The following CCDC6 variants were observed in gnomAD, a reference collection of about 807,000 sequenced individuals.
CCDC6 encodes the protein coiled-coil domain containing 6.
In CCDC6, 20 loss-of-function variants were observed where a neutral mutation model predicts 56.6. The observed-to-expected ratio is 0.35, with a 90% CI of 0.25 to 0.51. The LOEUF (loss-of-function observed/expected upper bound fraction) is 0.51. CCDC6 is among the 20% of genes least tolerant of loss of function. The pLI is 0.95. For missense variants in CCDC6, 367 were observed against 601.1 expected, an observed-to-expected ratio of 0.61 and a Z score of 4.07; for synonymous variants, 241 against 234.4, an observed-to-expected ratio of 1.03 and a Z score of -0.26.
At chr10:59,869,417 A>AAAAAAAAG (rs2071207702) in intron 1 of CCDC6, among the ~76,000 whole-genome samples, 1 of 69,182 alleles carries the variant, frequency 1.4e-5, no homozygotes, top group Non-Finnish European at 2.7e-5. Context: ...AAAAAAAAAA[A>AAAAAAAAG]AACAGAAAAA....
At position 59,792,030 on chromosome 10, in the gene CCDC6, G is replaced by A; in HGVS notation, c.*887C>T. ...AATATTTGTTCAAACTCTATTTTAAGAGAACACAAATGAAGTACGAAAGGG... is the reference window on the plus strand; with the variant it reads ...AATATTTGTTCAAACTCTATTTTAAAAGAACACAAATGAAGTACGAAAGGG... On this transcript the variant is annotated 3_prime_UTR_variant, in exon 9 of 9. Coordinates refer to ENST00000263102, the MANE Select transcript of CCDC6 (RefSeq NM_005436.5). The A allele has an allele frequency of 4.4e-6, 1 of 224,786 alleles. No homozygotes were observed. The highest frequency in any genetic ancestry group is 8.9e-6 in the Non-Finnish European group (1 of 112,552). 13.9% of individuals were successfully genotyped at this position (224,786 alleles called of 1,614,324 possible).
chr10:59,881,227 CCT>C (rs1564755531), intron 1 of CCDC6, among the ~76,000 whole-genome samples: 1 of 152,098 alleles, frequency 6.6e-6, no homozygotes, highest in Non-Finnish European at 1.5e-5. Context: ...TTCCTGGGCC[CCT>C]GATACTGACA....
At chr10:59,882,623 G>T (rs1018702621) in intron 1 of CCDC6, among the ~76,000 whole-genome samples, 1 of 152,108 alleles carries the variant, frequency 6.6e-6, no homozygotes, top group Non-Finnish European at 1.5e-5. Flanking sequence ...GCGGGAGAAG[G>T]AAAGCCAGGG....
chr10:59,862,584 CAT>C lies in CCDC6; in HGVS notation c.304-9884_304-9883del, dbSNP rs1370945784. ...ATATATACACATACACACACACACA[CAT>C]ATATAAAACCTCTGATGGGAAAATG... On this transcript the variant is annotated intron_variant, in intron 1 of 8. Transcript: ENST00000263102. Among the ~76,000 whole-genome samples, 348 of 145,866 alleles carry C rather than the reference CAT, an allele frequency of 2.4e-3. 12 individuals are homozygous for C. Among genetic ancestry groups the C allele is most frequent in the African/African-American group, 6.7e-3 (252 of 37,768 alleles).
At chr10:59,901,828 C>T (rs1220451310) in intron 1 of CCDC6, among the ~76,000 whole-genome samples, 1 of 152,154 alleles carries the variant, frequency 6.6e-6, no homozygotes, top group Non-Finnish European at 1.5e-5. Flanking sequence ...ACCCTCACTA[C>T]ACTGAATCAT....
At position 59,799,784 on chromosome 10, in the gene CCDC6, T is replaced by C. The variant is rs1307469197; in HGVS notation, c.1105+4636A>G. 2.1e-5 allele frequency among the ~76,000 whole-genome samples: 3 copies of C among 146,014 alleles called. No homozygotes were observed. In the East Asian group the frequency reaches 6.3e-4, roughly 31 times the overall value. Reference sequence around the variant, plus strand: ...TCTAGAGTCAGACTATGTTGGATCCTAGCTCTGACACTTGGCACTAAGTAG... The same window carrying C: ...TCTAGAGTCAGACTATGTTGGATCCCAGCTCTGACACTTGGCACTAAGTAG... On this transcript the variant is annotated intron_variant, in intron 7 of 8. Coordinates refer to ENST00000263102, the MANE Select transcript of CCDC6 (RefSeq NM_005436.5).
chr10:59,880,276 T>G (rs550544909), intron 1 of CCDC6, among the ~76,000 whole-genome samples: 1 of 151,756 alleles, frequency 6.6e-6, no homozygotes, highest in South Asian at 2.1e-4. Flanking sequence ...AACTGTACAC[T>G]CAGGGGACTT....
intron 3 of CCDC6, among the ~76,000 whole-genome samples, chr10:59,830,845 G>C (rs965123851): frequency 1.3e-5 from 2 of 152,112 alleles, no homozygotes; most frequent in African/African-American, 2.4e-5. Context: ...TCTGGGTCAC[G>C]GTCCTAGTTT....
chr10:59,868,589 G>A (rs2071198138), intron 1 of CCDC6, among the ~76,000 whole-genome samples: 1 of 151,858 alleles, frequency 6.6e-6, no homozygotes, highest in African/African-American at 2.4e-5. Context: ...CCCTACTGAG[G>A]TTGATAGGGG....
chr10:59,843,735 A>C (rs1333004892), intron 2 of CCDC6, among the ~76,000 whole-genome samples: 1 of 152,192 alleles, frequency 6.6e-6, no homozygotes, highest in African/African-American at 2.4e-5. Context: ...TCCTTTGGCT[A>C]AGCACCATAA....
intron 1 of CCDC6, among the ~76,000 whole-genome samples, chr10:59,881,813 G>A (rs2071337421): frequency 6.6e-6 from 1 of 152,210 alleles, no homozygotes; most frequent in Admixed American, 6.5e-5. Flanking sequence ...CCATGAAGGG[G>A]ACAATGTGTG....
chr10:59,871,917 G>A (rs1243512986), intron 1 of CCDC6, among the ~76,000 whole-genome samples: 1 of 152,092 alleles, frequency 6.6e-6, no homozygotes, highest in Non-Finnish European at 1.5e-5. Flanking sequence ...AAAGTAAAAG[G>A]CTCCTCAAAC....
At chr10:59,854,380 C>T (rs2071063390) in intron 1 of CCDC6, among the ~76,000 whole-genome samples, 3 of 152,152 alleles carry the variant, frequency 2.0e-5, no homozygotes, top group Admixed American at 1.3e-4. Context: ...GAGAGCCACA[C>T]ATAGTACACA....
chr10:59,856,098 G>C (rs1384805972), intron 1 of CCDC6, among the ~76,000 whole-genome samples: 2 of 152,156 alleles, frequency 1.3e-5, no homozygotes, highest in Admixed American at 1.3e-4. Context: ...GGGTTAACAT[G>C]GCCTAACACA....
At chr10:59,801,676 C>T (rs2070577307) in intron 7 of CCDC6, among the ~76,000 whole-genome samples, 1 of 152,116 alleles carries the variant, frequency 6.6e-6, no homozygotes. Context: ...GGATCTGTGT[C>T]TTCTCCCTTG....
At chr10:59,823,436 C>T (rs2070762782) in intron 3 of CCDC6, among the ~76,000 whole-genome samples, 2 of 152,210 alleles carry the variant, frequency 1.3e-5, no homozygotes, top group Admixed American at 1.3e-4. Context: ...AGCACTTGTT[C>T]ACTCCAGTTC....
chr10:59,865,363 G>C (rs2071167901), intron 1 of CCDC6, among the ~76,000 whole-genome samples: 1 of 152,174 alleles, frequency 6.6e-6, no homozygotes, highest in South Asian at 2.1e-4. Flanking sequence ...ACAGAAAGTA[G>C]GGCCAATTAC....
chr10:59,857,882 T>G (rs2071093271), intron 1 of CCDC6, among the ~76,000 whole-genome samples: 1 of 152,150 alleles, frequency 6.6e-6, no homozygotes, highest in Non-Finnish European at 1.5e-5. Context: ...ACCACATTAT[T>G]AGGATAGCAG....
intron 1 of CCDC6, among the ~76,000 whole-genome samples, chr10:59,888,287 A>G (rs989706671): frequency 3.3e-5 from 5 of 152,364 alleles, no homozygotes; most frequent in Admixed American, 6.5e-5. Flanking sequence ...CTCAGCTAGA[A>G]GCTTCCAGGG....
Sources: gnomAD v4.1 joint callset for allele counts (sites outside exome capture counted in the v4.1 genomes callset) on GRCh38, gnomAD v4.1.1 for gene constraint, MANE v1.5 for transcripts, NCBI Gene and HGNC (gene_info 2026-07-23, HGNC 2026-07-21) for gene names.